PDGFD: variants seen among roughly 807,000 people sequenced by gnomAD.
The protein encoded by PDGFD is platelet derived growth factor D, also known as platelet-derived growth factor D.
A neutral mutation model predicts 44.7 loss-of-function variants in PDGFD; 30 were observed. That is an observed-to-expected ratio of 0.67 (90% confidence interval 0.50 to 0.91). PDGFD has a LOEUF of 0.91. Ranked by LOEUF, PDGFD falls within the 40% of genes least tolerant of loss-of-function variation. The pLI, the probability that PDGFD is intolerant of heterozygous loss-of-function variation, is 0.00. For synonymous variants in PDGFD, 173 were observed against 168.4 expected, an observed-to-expected ratio of 1.03 and a Z score of -0.21; for missense variants, 445 against 457.8, an observed-to-expected ratio of 0.97 and a Z score of 0.25.
At chr11:104,086,880 T>C (rs1396329942) in intron 1 of PDGFD, among the ~76,000 whole-genome samples, 36 of 152,188 alleles carry the variant, frequency 2.4e-4, no homozygotes. Flanking sequence ...GATTCCAAGC[T>C]GCAGGAAAAT....
At chr11:104,120,665 GTTTC>G (rs1174993809) in intron 1 of PDGFD, among the ~76,000 whole-genome samples, 1 of 151,794 alleles carries the variant, frequency 6.6e-6, no homozygotes, top group Non-Finnish European at 1.5e-5. Flanking sequence ...TTCCCATTCT[GTTTC>G]TTTATTAATT....
At chr11:104,086,095 T>C (rs1399015311) in intron 1 of PDGFD, among the ~76,000 whole-genome samples, 3 of 152,150 alleles carry the variant, frequency 2.0e-5, no homozygotes, top group Non-Finnish European at 4.4e-5. Context: ...ATATCTAAGG[T>C]GGCTAGTGAC....
chr11:103,999,575 G>A (rs2134365705), intron 2 of PDGFD, among the ~76,000 whole-genome samples: 1 of 152,228 alleles, frequency 6.6e-6, no homozygotes, highest in African/African-American at 2.4e-5. Flanking sequence ...TGAATTCGGG[G>A]TCAGGCCCTG....
intron 1 of PDGFD, among the ~76,000 whole-genome samples, chr11:104,110,514 A>C (rs1294949252): frequency 2.0e-5 from 3 of 151,490 alleles, no homozygotes; most frequent in East Asian, 1.9e-4. Context: ...TCAAAAAAAA[A>C]AACAACAAAA....
chr11:103,954,637 A>C (rs1048910577), intron 3 of PDGFD, among the ~76,000 whole-genome samples: 1 of 152,212 alleles, frequency 6.6e-6, no homozygotes, highest in Admixed American at 6.5e-5. Context: ...AAGTTTTAAA[A>C]GACATTTGTC....
chr11:104,111,315 T>G (rs564219971), intron 1 of PDGFD, among the ~76,000 whole-genome samples: 1 of 150,746 alleles, frequency 6.6e-6, no homozygotes, highest in Non-Finnish European at 1.5e-5. Flanking sequence ...GCTAGGGTGT[T>G]GTGGGTGTGA....
chr11:104,042,655 G>A lies in PDGFD; in HGVS notation c.125-42400C>T, dbSNP rs146517129. Among the ~76,000 whole-genome samples, 1,330 of 152,254 alleles carry A rather than the reference G, an allele frequency of 8.7e-3. 22 individuals are homozygous for A. The highest frequency in any genetic ancestry group is 0.031 in the African/African-American group (1,267 of 41,538). On this transcript the variant is annotated intron_variant, in intron 1 of 6. Transcript: ENST00000393158. The stretch of plus-strand genomic sequence containing the variant: ...AATGTGGGCTATGCTTCACGCAGGG[G>A]TATTTTTTATGGGTATATTTTTCTA...
At chr11:104,120,360 A>C (rs1861759834) in intron 1 of PDGFD, among the ~76,000 whole-genome samples, 1 of 151,776 alleles carries the variant, frequency 6.6e-6, no homozygotes, top group Non-Finnish European at 1.5e-5. Context: ...TGTCATTCTT[A>C]GTTTAAAATC....
chr11:104,062,011 G>C (rs1472651430), intron 1 of PDGFD, among the ~76,000 whole-genome samples: 1 of 152,150 alleles, frequency 6.6e-6, no homozygotes, highest in East Asian at 1.9e-4. Flanking sequence ...TATGCCTCTA[G>C]TTTCTATTCT....
chr11:104,113,473 C>G (rs545294327), intron 1 of PDGFD, among the ~76,000 whole-genome samples: 1 of 152,170 alleles, frequency 6.6e-6, no homozygotes, highest in Non-Finnish European at 1.5e-5. Context: ...GAATAATATT[C>G]CATTGTTTGG....
chr11:103,956,015 A>C (rs1336602357), intron 3 of PDGFD, among the ~76,000 whole-genome samples: 1 of 151,942 alleles, frequency 6.6e-6, no homozygotes, highest in African/African-American at 2.4e-5. Flanking sequence ...GAGAAAAGGA[A>C]ATTTTTATAC....
At chr11:104,048,897 C>T (rs775964502) in intron 1 of PDGFD, among the ~76,000 whole-genome samples, 18 of 152,128 alleles carry the variant, frequency 1.2e-4, no homozygotes, top group Non-Finnish European at 2.4e-4. Flanking sequence ...TATCACTTGC[C>T]AAGTGAGTCA....
At chr11:104,003,403 G>A (rs1201489347) in intron 1 of PDGFD, among the ~76,000 whole-genome samples, 3 of 152,180 alleles carry the variant, frequency 2.0e-5, no homozygotes, top group Non-Finnish European at 2.9e-5. Flanking sequence ...AGGAAGATTA[G>A]CCTGTTGGTG....
At chr11:103,999,866 C>T (rs1396612327) in intron 2 of PDGFD, among the ~76,000 whole-genome samples, 185 bp downstream of exon 2, 1 of 152,064 alleles carries the variant, frequency 6.6e-6, no homozygotes, top group Non-Finnish European at 1.5e-5. Flanking sequence ...CCAGGTTATT[C>T]GGCTCTCTGC....
intron 1 of PDGFD, among the ~76,000 whole-genome samples, chr11:104,134,228 T>A (rs943165166): frequency 6.5e-5 from 9 of 138,234 alleles, no homozygotes; most frequent in African/African-American, 2.5e-4. Context: ...ATCTTTGGAG[T>A]ACTATATACC....
At chr11:104,125,233 G>T (rs1304887426) in intron 1 of PDGFD, among the ~76,000 whole-genome samples, 1 of 152,084 alleles carries the variant, frequency 6.6e-6, no homozygotes, top group Non-Finnish European at 1.5e-5. Context: ...ACATGCTCTG[G>T]AGTCTGAATT....
At chr11:104,130,534 C>T (rs982583014) in intron 1 of PDGFD, among the ~76,000 whole-genome samples, 5 of 152,152 alleles carry the variant, frequency 3.3e-5, no homozygotes, top group Non-Finnish European at 7.4e-5. Flanking sequence ...TAAATTAATG[C>T]CTCTGGCTGC....
At chr11:104,099,928 C>A (rs1861347198) in intron 1 of PDGFD, among the ~76,000 whole-genome samples, 1 of 152,048 alleles carries the variant, frequency 6.6e-6, no homozygotes, top group Non-Finnish European at 1.5e-5. Flanking sequence ...CTGCAAAATG[C>A]TAATGGGTAT....
chr11:104,156,065 C>T (rs1862302963), intron 1 of PDGFD, among the ~76,000 whole-genome samples: 1 of 151,972 alleles, frequency 6.6e-6, no homozygotes, highest in Non-Finnish European at 1.5e-5. Context: ...TATCATCACA[C>T]AAAAAAGGTA....
Sources: gnomAD v4.1 joint callset for allele counts (sites outside exome capture counted in the v4.1 genomes callset) on GRCh38, gnomAD v4.1.1 for gene constraint, MANE v1.5 for transcripts, NCBI Gene and HGNC (gene_info 2026-07-23, HGNC 2026-07-21) for gene names.